PCDHGB7: variants seen among roughly 807,000 people sequenced by gnomAD.
PCDHGB7 encodes the protein protocadherin gamma-B7.
In PCDHGB7, 37 loss-of-function variants were observed where a neutral mutation model predicts 61.4. The ratio of observed to expected loss-of-function variants is 0.60; its 90% confidence interval spans 0.46 to 0.79. The LOEUF (loss-of-function observed/expected upper bound fraction) is 0.79, where lower values mean the gene tolerates loss of function less well. Among genes scored for constraint, PCDHGB7 ranks in the 30% least tolerant of loss-of-function variants. The probability of loss-of-function intolerance (pLI) is 0.00; values close to 1 mark genes in which losing one functional copy is unlikely to be tolerated. For synonymous variants in PCDHGB7, 464 were observed against 503.5 expected (o/e 0.92, Z 1.05); for missense variants, 1,166 against 1,202.5 (o/e 0.97, Z 0.45).
At position 141,511,519 on chromosome 5, in the gene PCDHGB7, C is replaced by A; in HGVS notation, c.*346C>A. On this transcript the variant is annotated 3_prime_UTR_variant, in exon 4 of 4. Transcript: ENST00000398594. ...CCAAATCAATCAGGCCCATCCATCC[C>A]ATGCCTCCCTCCTCCCCACCCCACT... 2.7e-6 allele frequency: 1 copy of A among 367,516 alleles called. No individual in the cohort carries two copies. The highest frequency in any genetic ancestry group is 2.7e-5 in the South Asian group (1 of 36,848). 22.8% of individuals were successfully genotyped at this position (367,516 alleles called of 1,614,324 possible). A position where few individuals can be genotyped will look rare whatever the true frequency, so the allele number is the denominator to read the frequency against.
intron 1 of PCDHGB7, among the ~76,000 whole-genome samples, chr5:141,467,087 C>T (rs1159093881): frequency 3.4e-5 from 5 of 147,240 alleles, no homozygotes; most frequent in African/African-American, 1.3e-4. Context: ...AAGTCTCACT[C>T]TGTCACACAG....
Position 141,486,058 on chromosome 5 carries a change from G to A in PCDHGB7, c.2416-8749G>A. On this transcript the variant is annotated intron_variant, in intron 1 of 3. Transcript: ENST00000398594. The surrounding 1 kb of genome is among the most constrained non-coding windows in gnomAD (Gnocchi z 5.0). The stretch of plus-strand genomic sequence containing the variant: ...ATCGTGTAAGAAACCTCTTTAGCCT[G>A]CACCCCACTACTGGAAAGCTTACTC... The A allele has an allele frequency of 6.2e-7, 1 of 1,614,122 alleles. No homozygotes were observed. The highest frequency in any genetic ancestry group is 8.5e-7 in the Non-Finnish European group (1 of 1,180,012).
In PCDHGB7 at chr5:141,511,502, A is replaced by G. The variant is rs953158220; in HGVS notation, c.*329A>G. ...CTGAACTCCTCCATCTTCCAAATCAATCAGGCCCATCCATCCCATGCCTCC... is the reference window on the plus strand; with the variant it reads ...CTGAACTCCTCCATCTTCCAAATCAGTCAGGCCCATCCATCCCATGCCTCC... On this transcript the variant is annotated 3_prime_UTR_variant, in exon 4 of 4. Transcript: ENST00000398594. The G allele has an allele frequency of 1.3e-5, 5 of 395,150 alleles. No homozygotes were observed. Among genetic ancestry groups the G allele is most frequent in the African/African-American group, 1.0e-4 (5 of 48,770 alleles). The allele number at this position is 395,150 out of a possible 1,614,324, so 24.5% of individuals were successfully genotyped here.
chr5:141,492,320 G>T (rs1001784912), intron 1 of PCDHGB7, among the ~76,000 whole-genome samples: 1 of 152,206 alleles, frequency 6.6e-6, no homozygotes, highest in Non-Finnish European at 1.5e-5. Context: ...CTCCTCGCAC[G>T]TGGGCTTACG....
At chr5:141,479,358 GC>G (rs2154577546) in intron 1 of PCDHGB7, 1 of 152,584 alleles carries the variant, frequency 6.6e-6, no homozygotes, top group Non-Finnish European at 1.5e-5. Flanking sequence ...GCTGCTCAGT[GC>G]CTGAGGTGGG....
chr5:141,433,208 C>CTTT, intron 1 of PCDHGB7: 2 of 1,293,022 alleles, frequency 1.5e-6, no homozygotes, highest in Non-Finnish European at 2.1e-6. Context: ...AATCTTCTTT[C>CTTT]TTTTTTTTTT....
At chr5:141,465,649 A>C (rs1174371552) in intron 1 of PCDHGB7, among the ~76,000 whole-genome samples, 1 of 152,200 alleles carries the variant, frequency 6.6e-6, no homozygotes, top group African/African-American at 2.4e-5. Context: ...TGAACATCCC[A>C]AAAAAGCGCT....
chr5:141,503,528 G>A (rs1411240550), intron 2 of PCDHGB7, among the ~76,000 whole-genome samples: 2 of 151,470 alleles, frequency 1.3e-5, no homozygotes, highest in Non-Finnish European at 2.9e-5. Flanking sequence ...GAACCTGGGA[G>A]GCAGAGGTTG....
chr5:141,440,444 C>G (rs2098178389), intron 1 of PCDHGB7: 1 of 152,038 alleles, frequency 6.6e-6, no homozygotes, highest in Admixed American at 6.6e-5. Context: ...AAGGCGCCAT[C>G]TCAAAAAAAA....
chr5:141,424,655 TTTAA>T (rs1162406206), intron 1 of PCDHGB7: 3 of 152,238 alleles, frequency 2.0e-5, no homozygotes, highest in Non-Finnish European at 4.4e-5. Flanking sequence ...GTATTTGGAC[TTTAA>T]TTAAACTGAT....
intron 1 of PCDHGB7, among the ~76,000 whole-genome samples, chr5:141,449,579 ACT>A (rs370512396): frequency 0.052 from 7,360 of 141,924 alleles, 400 homozygotes; most frequent in African/African-American, 0.14. Flanking sequence ...ACAGAGCAAG[ACT>A]CTGTCTCAAA....
At position 141,477,418 on chromosome 5, in the gene PCDHGB7, C is replaced by G. The variant is rs759728291; in HGVS notation, c.2416-17389C>G. ...GCATCACCGCCCGAGACGCCGGAAC[C>G]CCTTCCCTCTCAGCCCTTACAATAG... On this transcript the variant is annotated intron_variant, in intron 1 of 3. Transcript: ENST00000398594. This position sits in a 1 kb window ranked among gnomAD's most constrained non-coding sequence, Gnocchi z 4.9. 2 of 1,614,166 alleles carry G rather than the reference C, an allele frequency of 1.2e-6. No homozygotes were observed. Among genetic ancestry groups the G allele is most frequent in the Non-Finnish European group, 1.7e-6 (2 of 1,180,030 alleles).
At chr5:141,503,936 C>G (rs2099834285) in intron 2 of PCDHGB7, among the ~76,000 whole-genome samples, 1 of 152,186 alleles carries the variant, frequency 6.6e-6, no homozygotes, top group Non-Finnish European at 1.5e-5. Flanking sequence ...CATTTTCATG[C>G]CTTCAAGGCC....
At position 141,457,041 on chromosome 5, in the gene PCDHGB7, A is replaced by T. The variant is rs151212070; in HGVS notation, c.2415+36767A>T. On this transcript the variant is annotated intron_variant, in intron 1 of 3. Transcript: ENST00000398594. ...AAGTCCTAGTAGACTCAGTGATAGT[A>T]AAACTTTCATGCTTCCTTTTTGCCA... 2.3e-4 allele frequency among the ~76,000 whole-genome samples: 35 copies of T among 152,360 alleles called. No individual in the cohort carries two copies. In the East Asian group the frequency reaches 6.4e-3, roughly 28 times the overall value.
chr5:141,512,275 A>G lies in PCDHGB7; in HGVS notation c.*1102A>G, dbSNP rs368275103. 1 of 152,730 alleles carries G rather than the reference A, an allele frequency of 6.5e-6. No individual in the cohort carries two copies. The highest frequency in any genetic ancestry group is 2.1e-4 in the South Asian group (1 of 4,824). The allele number at this position is 152,730 out of a possible 1,614,324, so 9.5% of individuals were successfully genotyped here. ...GGGTGCTGGGTACTCCAGAGGTGCC[A>G]CTGGTGGAAGGGTCAGCGGAGCCCC... On this transcript the variant is annotated 3_prime_UTR_variant, in exon 4 of 4. Transcript: ENST00000398594.
At position 141,418,804 on chromosome 5, in the gene PCDHGB7, T is replaced by A; in HGVS notation, c.945T>A (p.Tyr315Ter). Residue 315 changes from tyrosine (Y) to a stop codon, truncating the protein, a stop_gained, in exon 1 of 4, where the codon TAT becomes TAA. Coordinates refer to ENST00000398594, the MANE Select transcript of PCDHGB7 (RefSeq NM_018927.4). LOFTEE classifies it high-confidence loss of function. ...QPLDFEEVER[Y>*]TINIEAKDRG... is the part of the protein sequence containing the mutation. ...TGGATTTTGAAGAAGTAGAAAGATATACGATAAACATAGAAGCAAAAGACC... is the reference window on the plus strand; with the variant it reads ...TGGATTTTGAAGAAGTAGAAAGATAAACGATAAACATAGAAGCAAAAGACC... 1.2e-6 allele frequency: 2 copies of A among 1,613,836 alleles called. No homozygotes were observed. Among genetic ancestry groups the A allele is most frequent in the Non-Finnish European group, 1.7e-6 (2 of 1,179,754 alleles).
chr5:141,447,848 G>A (rs539844218), intron 1 of PCDHGB7, among the ~76,000 whole-genome samples: 46 of 152,302 alleles, frequency 3.0e-4, no homozygotes, highest in East Asian at 2.7e-3. Context: ...TGCTTTGGGA[G>A]GCCGAGGTGG....
chr5:141,507,609 A>G (rs2099862010), intron 3 of PCDHGB7, among the ~76,000 whole-genome samples: 1 of 152,260 alleles, frequency 6.6e-6, no homozygotes, highest in Non-Finnish European at 1.5e-5. Context: ...ATAAACAGGT[A>G]TATTTAGCTG....
chr5:141,470,825 C>T (rs557419577), intron 1 of PCDHGB7, among the ~76,000 whole-genome samples: 5 of 152,064 alleles, frequency 3.3e-5, no homozygotes, highest in Admixed American at 1.3e-4. Context: ...GTAGTTAGGA[C>T]GACAAACACA....
Sources: allele counts gnomAD v4.1 joint callset (sites outside exome capture counted in the v4.1 genomes callset), GRCh38; gene constraint gnomAD v4.1.1; non-coding constraint Gnocchi (gnomAD v3.1); transcripts MANE v1.5; gene names NCBI Gene and HGNC (gene_info 2026-07-23, HGNC 2026-07-21).